Variants in DSC1 observed in about 807,000 individuals in gnomAD.
DSC1 encodes desmocollin 1, also known as desmocollin-1.
Under a neutral mutation model 98.8 loss-of-function variants are expected in DSC1, and 79 were observed. The observed-to-expected ratio is 0.80, with a 90% CI of 0.67 to 0.96. The LOEUF (loss-of-function observed/expected upper bound fraction) is 0.96. Among genes scored for constraint, DSC1 ranks in the 50% least tolerant of loss-of-function variants. The probability of loss-of-function intolerance (pLI) is 0.00; values close to 1 mark genes in which losing one functional copy is unlikely to be tolerated. For missense variants in DSC1, 1,115 were observed against 1,075.9 expected (o/e 1.04, Z -0.51); for synonymous variants, 405 against 372.1 (o/e 1.09, Z -1.02).
At chr18:31,130,770 G>GA in intron 15 of DSC1, 59 bp from the exon 16 acceptor site, 2 of 1,611,612 alleles carry the variant, frequency 1.2e-6, no homozygotes, top group Non-Finnish European at 1.7e-6. Context: ...CATATTAGCA[G>GA]AAAAATGATG....
chr18:31,144,582 G>T, intron 7 of DSC1, among the ~76,000 whole-genome samples: 1 of 152,184 alleles, frequency 6.6e-6, no homozygotes, highest in East Asian at 1.9e-4. Context: ...AAAAATATCA[G>T]TGGTTGCCAG....
chr18:31,147,710 T>C (rs1228218768), intron 6 of DSC1, among the ~76,000 whole-genome samples: 2 of 152,068 alleles, frequency 1.3e-5, no homozygotes, highest in African/African-American at 4.8e-5. Flanking sequence ...ATAAAGAGAA[T>C]TCAGGAAAAC....
intron 7 of DSC1, among the ~76,000 whole-genome samples, chr18:31,144,735 A>G (rs1271909131): frequency 1.3e-5 from 2 of 152,152 alleles, no homozygotes; most frequent in East Asian, 3.9e-4. Context: ...GTTCAAACTC[A>G]TAGAATATAT....
Position 31,130,321 on chromosome 18 carries a change from C to A in DSC1, c.*193G>T. On this transcript the variant is annotated 3_prime_UTR_variant, in exon 16 of 16. Transcript: ENST00000257198. ...ATAAAAGAGAATTAACAAACAAAAC[C>A]TTGATTTCTAGAGAACATGGAAGTT... The A allele has an allele frequency of 1.6e-6, 1 of 643,464 alleles. No homozygotes were observed. The highest frequency in any genetic ancestry group is 2.1e-5 in the South Asian group (1 of 47,352). 39.9% of individuals were successfully genotyped at this position (643,464 alleles called of 1,614,324 possible).
intron 3 of DSC1, 71 bp downstream of exon 3, chr18:31,157,300 A>G: frequency 1.4e-6 from 2 of 1,476,766 alleles, no homozygotes; most frequent in Non-Finnish European, 1.9e-6. Context: ...AAACACGTTA[A>G]AACACATGAA....
chr18:31,159,357 A>G, intron 2 of DSC1, 88 bp downstream of exon 2: 5 of 1,368,810 alleles, frequency 3.7e-6, no homozygotes, highest in South Asian at 2.4e-5. Context: ...CCGGCCTACT[A>G]TGTGGTTTTT....
chr18:31,151,933 G>A (rs1989007071), intron 5 of DSC1, among the ~76,000 whole-genome samples: 1 of 152,138 alleles, frequency 6.6e-6, no homozygotes, highest in Non-Finnish European at 1.5e-5. Context: ...AGGCCGAGGT[G>A]GGTGAATCAC....
chr18:31,138,415 A>T (rs1988657054), intron 11 of DSC1, among the ~76,000 whole-genome samples: 1 of 152,154 alleles, frequency 6.6e-6, no homozygotes, highest in South Asian at 2.1e-4. Flanking sequence ...TTGTGAAACT[A>T]TAATAATTCT....
intron 13 of DSC1, 81 bp from the exon 14 acceptor site, chr18:31,132,770 G>A (rs985785526): frequency 2.8e-5 from 37 of 1,333,868 alleles, no homozygotes; most frequent in Admixed American, 1.1e-4. Flanking sequence ...TCTTGCATAT[G>A]TCTCAAAAAA....
intron 2 of DSC1, 132 bp downstream of exon 2, chr18:31,159,313 A>C: frequency 1.3e-6 from 1 of 757,254 alleles, no homozygotes; most frequent in Non-Finnish European, 2.1e-6. Context: ...TCGGCCTCCC[A>C]AAGTGCTGGG....
intron 14 of DSC1, 40 bp downstream of exon 14, chr18:31,132,528 G>A: frequency 6.2e-7 from 1 of 1,605,780 alleles, no homozygotes; most frequent in Non-Finnish European, 8.5e-7. Flanking sequence ...GTCATCATTT[G>A]TTCACCGTAC....
At chr18:31,150,443 CCACTACCACCACCACCATCAT>C (rs1988975874) in intron 5 of DSC1, among the ~76,000 whole-genome samples, 1 of 121,970 alleles carries the variant, frequency 8.2e-6, no homozygotes, top group African/African-American at 3.2e-5. Flanking sequence ...ACCATCACCA[CCACTACCACCACCACCATCAT>C]CATCACCAGC....
chr18:31,134,210 A>AG (rs1346266882), intron 12 of DSC1, 80 bp from the exon 13 acceptor site: 4 of 1,487,034 alleles, frequency 2.7e-6, no homozygotes, highest in Non-Finnish European at 3.6e-6. Context: ...TCTCAGTGGA[A>AG]GGGAATCAAT....
chr18:31,160,858 A>G (rs1482939370), intron 1 of DSC1, among the ~76,000 whole-genome samples: 2 of 152,116 alleles, frequency 1.3e-5, no homozygotes, highest in Non-Finnish European at 2.9e-5. Flanking sequence ...CTGTACATAT[A>G]CCTATACCTA....
At chr18:31,137,915 G>C (rs1250873735) in intron 11 of DSC1, among the ~76,000 whole-genome samples, 4 of 149,948 alleles carry the variant, frequency 2.7e-5, no homozygotes, top group African/African-American at 7.4e-5. Flanking sequence ...TCTAAGACAG[G>C]TAGAATACCT....
At chr18:31,149,984 C>T (rs77360088) in intron 5 of DSC1, among the ~76,000 whole-genome samples, 1 of 151,376 alleles carries the variant, frequency 6.6e-6, no homozygotes, top group Non-Finnish European at 1.5e-5. Context: ...ATACAGTAGT[C>T]TATCATTACC....
intron 7 of DSC1, among the ~76,000 whole-genome samples, chr18:31,145,230 C>T (rs1598621436): frequency 1.3e-5 from 2 of 152,274 alleles, no homozygotes; most frequent in South Asian, 2.1e-4. Flanking sequence ...GCGTGAGCCA[C>T]CGCGCCTGGC....
rs1452160745 is a variant in DSC1 at position 31,162,588 on chromosome 18, G to T, written c.7C>A (p.Leu3Met). 1 of 1,614,160 alleles carries T rather than the reference G, an allele frequency of 6.2e-7. No individual in the cohort carries two copies. Among genetic ancestry groups the T allele is most frequent in the Non-Finnish European group, 8.5e-7 (1 of 1,180,018 alleles). Residue 3 changes from leucine (L) to methionine (M), a missense_variant, in exon 1 of 16, where the codon CTG becomes ATG. Physicochemically the swap from Leu to Met is conservative, Grantham distance 15. Coordinates refer to ENST00000257198, the MANE Select transcript of DSC1 (RefSeq NM_024421.2). MA[L>M]ASAAPGSIFC... ...ATGCTCCCTGGGGCAGCAGAGGCCAGAGCCATCAGAAGCAGTCCCAATGGC... is the reference window on the plus strand; with the variant it reads ...ATGCTCCCTGGGGCAGCAGAGGCCATAGCCATCAGAAGCAGTCCCAATGGC...
intron 15 of DSC1, 130 bp from the exon 16 acceptor site, chr18:31,130,841 A>T (rs761828107): frequency 6.2e-7 from 1 of 1,608,784 alleles, no homozygotes. Flanking sequence ...ATGGATTCCT[A>T]TATATAAAAA....
Sources: allele counts gnomAD v4.1 joint callset (sites outside exome capture counted in the v4.1 genomes callset), GRCh38; gene constraint gnomAD v4.1.1; transcripts MANE v1.5; gene names NCBI Gene and HGNC (gene_info 2026-07-23, HGNC 2026-07-21).